PTPRD: variants seen among roughly 807,000 people sequenced by gnomAD.
PTPRD encodes the protein protein tyrosine phosphatase receptor type D.
PTPRD carries 34 observed loss-of-function variants against 214.5 expected under a neutral mutation model. That is an observed-to-expected ratio of 0.16 (90% CI 0.12 to 0.21). The LOEUF is 0.21. Among genes scored for constraint, PTPRD ranks in the 10% least tolerant of loss-of-function variants. PTPRD has a pLI of 1.00. For missense variants in PTPRD, 2,545 were observed against 2,398.7 expected (o/e 1.06, Z -1.27); for synonymous variants, 1,128 against 845.7 (o/e 1.33, Z -5.79).
At chr9:9,602,348 G>C (rs1450697052) in intron 7 of PTPRD, among the ~76,000 whole-genome samples, 1 of 151,868 alleles carries the variant, frequency 6.6e-6, no homozygotes, top group African/African-American at 2.4e-5. Context: ...AACAACTACA[G>C]ATCCCTCTAA....
intron 8 of PTPRD, among the ~76,000 whole-genome samples, chr9:9,498,381 T>A (rs2096276795): frequency 1.3e-5 from 2 of 152,080 alleles, no homozygotes; most frequent in African/African-American, 4.8e-5. Flanking sequence ...AAAAAGTAAA[T>A]CCATGCTGTA....
chr9:9,019,346 AAG>A (rs377379871), intron 10 of PTPRD, among the ~76,000 whole-genome samples: 12,947 of 134,156 alleles, frequency 0.097, 807 homozygotes, highest in African/African-American at 0.18. Flanking sequence ...GAACGAAAGA[AAG>A]AAAGAAAGAA....
At chr9:9,651,290 T>A (rs561499808) in intron 7 of PTPRD, among the ~76,000 whole-genome samples, 1 of 152,220 alleles carries the variant, frequency 6.6e-6, no homozygotes, top group Non-Finnish European at 1.5e-5. Context: ...ATTTGTTACA[T>A]AGGCAAACTT....
intron 10 of PTPRD, among the ~76,000 whole-genome samples, chr9:9,143,789 G>C (rs1484580903): frequency 6.6e-6 from 1 of 152,218 alleles, no homozygotes; most frequent in African/African-American, 2.4e-5. Context: ...TTCTTGGGTA[G>C]AAAATCATTA....
chr9:8,902,376 T>G (rs1369971717), intron 11 of PTPRD, among the ~76,000 whole-genome samples: 1 of 149,946 alleles, frequency 6.7e-6, no homozygotes, highest in African/African-American at 2.5e-5. Context: ...TGAGTCTTAC[T>G]CTGTTGCCCA....
chr9:8,623,401 C>T (rs1415417673), intron 14 of PTPRD, among the ~76,000 whole-genome samples: 1 of 151,910 alleles, frequency 6.6e-6, no homozygotes, highest in Non-Finnish European at 1.5e-5. Context: ...CAAATGGTGG[C>T]ATCTGGACCA....
intron 14 of PTPRD, among the ~76,000 whole-genome samples, chr9:8,624,820 T>C (rs913399202): frequency 1.5e-4 from 23 of 151,840 alleles, no homozygotes; most frequent in Non-Finnish European, 2.1e-4. Context: ...TTTCACTCTG[T>C]CTTTGTAGTT....
At chr9:10,365,851 G>C (rs2097505141) in intron 2 of PTPRD, among the ~76,000 whole-genome samples, 1 of 152,066 alleles carries the variant, frequency 6.6e-6, no homozygotes, top group South Asian at 2.1e-4. Context: ...TCTCCGATTT[G>C]GATGGAAAAT....
rs540578895 is a variant in PTPRD at position 8,924,016 on chromosome 9, T to C, written c.-104+94681A>G. Among the ~76,000 whole-genome samples, 25 of 152,356 alleles carry C rather than the reference T, an allele frequency of 1.6e-4. 1 individual carries two copies. The highest frequency in any genetic ancestry group is 6.0e-4 in the African/African-American group (25 of 41,586). ...AACTGCTTTGCAAGCCATTATCATTTACAAAAAGAAGGCAGTCATTTTCTA... is the reference window on the plus strand; with the variant it reads ...AACTGCTTTGCAAGCCATTATCATTCACAAAAAGAAGGCAGTCATTTTCTA... On this transcript the variant is annotated intron_variant, in intron 11 of 45. Transcript: ENST00000381196.
intron 7 of PTPRD, among the ~76,000 whole-genome samples, chr9:9,617,532 G>C (rs750779705): frequency 2.0e-5 from 3 of 152,186 alleles, no homozygotes; most frequent in African/African-American, 4.8e-5. Context: ...TGTGAGTCCT[G>C]ATGGCTGAGC....
intron 6 of PTPRD, among the ~76,000 whole-genome samples, chr9:9,755,481 T>C (rs762036640): frequency 6.6e-6 from 1 of 152,228 alleles, no homozygotes. Context: ...TCTTTCTTCC[T>C]CAGGCCTTTG....
At chr9:9,274,706 G>C (rs547807517) in intron 9 of PTPRD, among the ~76,000 whole-genome samples, 1 of 151,198 alleles carries the variant, frequency 6.6e-6, no homozygotes, top group African/African-American at 2.4e-5. Flanking sequence ...ATTTGTGCAA[G>C]TAGAATAATT....
At chr9:10,511,841 C>T (rs1011302818) in intron 2 of PTPRD, among the ~76,000 whole-genome samples, 1 of 135,486 alleles carries the variant, frequency 7.4e-6, no homozygotes, top group African/African-American at 2.8e-5. Context: ...ACCATGGAAC[C>T]ATATACATAT....
At chr9:9,857,090 A>G (rs935815900) in intron 5 of PTPRD, among the ~76,000 whole-genome samples, 2 of 152,174 alleles carry the variant, frequency 1.3e-5, no homozygotes, top group African/African-American at 4.8e-5. Context: ...GGGCAGCATA[A>G]AGACATTAAT....
intron 18 of PTPRD, among the ~76,000 whole-genome samples, chr9:8,524,549 A>T (rs1178013853): frequency 6.6e-6 from 1 of 152,170 alleles, no homozygotes; most frequent in Non-Finnish European, 1.5e-5. Flanking sequence ...TTAGTAGCAC[A>T]CCAAGCAATT....
chr9:9,898,574 C>T (rs1213379408), intron 5 of PTPRD, among the ~76,000 whole-genome samples: 1 of 151,990 alleles, frequency 6.6e-6, no homozygotes, highest in African/African-American at 2.4e-5. Context: ...TTAAGGAATC[C>T]TTAGAGGTTA....
chr9:10,575,131 C>A (rs2068792816), intron 2 of PTPRD, among the ~76,000 whole-genome samples: 1 of 151,858 alleles, frequency 6.6e-6, no homozygotes, highest in African/African-American at 2.4e-5. Context: ...CACTTGAAAA[C>A]ATAAAATAAT....
At position 8,713,561 on chromosome 9, in the gene PTPRD, G is replaced by C. The variant is rs573905231; in HGVS notation, c.64+20219C>G. 1.2e-5 allele frequency: 17 copies of C among 1,414,974 alleles called. No homozygotes were observed. In the African/African-American group the frequency reaches 2.2e-4, roughly 19 times the overall value. The allele number at this position is 1,414,974 out of a possible 1,614,324, so 87.7% of individuals were successfully genotyped here. ...AAGAACTTCGGGATCTGGCTGCGCT[G>C]TGACTCCCGGAGCGGCACCCACAAC... On this transcript the variant is annotated intron_variant, in intron 12 of 45. Transcript: ENST00000381196.
chr9:9,735,798 T>G (rs545303380), intron 6 of PTPRD, among the ~76,000 whole-genome samples: 1 of 152,286 alleles, frequency 6.6e-6, no homozygotes, highest in African/African-American at 2.4e-5. Flanking sequence ...CTTAGTTCTA[T>G]TAACGACCTA....
Sources: allele counts gnomAD v4.1 joint callset (sites outside exome capture counted in the v4.1 genomes callset), GRCh38; gene constraint gnomAD v4.1.1; transcripts MANE v1.5; gene names NCBI Gene and HGNC (gene_info 2026-07-23, HGNC 2026-07-21).